COL14A1: variants seen among roughly 807,000 people sequenced by gnomAD.
COL14A1 encodes the protein collagen type XIV alpha 1 chain.
Under a neutral mutation model 230.3 loss-of-function variants are expected in COL14A1, and 136 were observed. The observed-to-expected ratio is 0.59, with a 90% confidence interval of 0.51 to 0.68. COL14A1 has a LOEUF of 0.68. COL14A1 is among the 30% of genes least tolerant of loss of function. COL14A1 has a pLI of 0.00. For missense variants in COL14A1, 1,976 were observed against 2,215.8 expected, an observed-to-expected ratio of 0.89 and a Z score of 2.17; for synonymous variants, 792 against 784.1, an observed-to-expected ratio of 1.01 and a Z score of -0.17.
intron 4 of COL14A1, among the ~76,000 whole-genome samples, chr8:120,163,396 G>A (rs1292829722): frequency 2.0e-5 from 3 of 152,076 alleles, no homozygotes; most frequent in African/African-American, 7.2e-5. Context: ...CTAAGAGGGA[G>A]TGAAAGCTCT....
chr8:120,351,407 T>G (rs995292443), intron 45 of COL14A1, among the ~76,000 whole-genome samples: 2 of 132,534 alleles, frequency 1.5e-5, no homozygotes, highest in African/African-American at 2.9e-5. Flanking sequence ...CTGAAGGAAA[T>G]AGAGACACAA....
intron 14 of COL14A1, among the ~76,000 whole-genome samples, chr8:120,221,684 A>G (rs1817940143): frequency 6.6e-6 from 1 of 152,002 alleles, no homozygotes; most frequent in African/African-American, 2.4e-5. Context: ...CAAAATTCCT[A>G]TTTGTCACAT....
At chr8:120,227,168 T>C (rs1818122439) in intron 16 of COL14A1, 52 bp from the exon 17 acceptor site, 1 of 1,595,636 alleles carries the variant, frequency 6.3e-7, no homozygotes, top group Non-Finnish European at 8.5e-7. Context: ...ACACTTTTTC[T>C]TTACTTTTTT....
intron 1 of COL14A1, among the ~76,000 whole-genome samples, chr8:120,126,726 C>A (rs1814352892): frequency 1.3e-5 from 2 of 152,168 alleles, no homozygotes; most frequent in Non-Finnish European, 2.9e-5. Context: ...CAGTGAAGGA[C>A]CGGTGTTCTG....
chr8:120,183,520 A>G (rs1194457541), intron 5 of COL14A1, among the ~76,000 whole-genome samples: 1 of 152,176 alleles, frequency 6.6e-6, no homozygotes, highest in African/African-American at 2.4e-5. Context: ...TTCTGGGCAT[A>G]TAGAATCCTC....
chr8:120,362,893 A>G (rs1280769684), intron 45 of COL14A1, among the ~76,000 whole-genome samples: 8 of 152,198 alleles, frequency 5.3e-5, no homozygotes, highest in Non-Finnish European at 1.2e-4. Context: ...AACCTTGGCT[A>G]AATCATATTT....
chr8:120,125,051 C>A (rs1317482809), upstream of COL14A1: 1 of 152,460 alleles, frequency 6.6e-6, no homozygotes, highest in Non-Finnish European at 1.5e-5. Flanking sequence ...CCACCTCCCG[C>A]CTCCGCGGCC....
intron 1 of COL14A1, among the ~76,000 whole-genome samples, chr8:120,139,399 T>A (rs1045705002): frequency 6.6e-6 from 1 of 152,186 alleles, no homozygotes; most frequent in African/African-American, 2.4e-5. Flanking sequence ...TATAGAGCTA[T>A]CATCTGGAGA....
chr8:120,139,260 A>ATATCACCATTTCTTT (rs1262745561), intron 1 of COL14A1, among the ~76,000 whole-genome samples: 3 of 152,326 alleles, frequency 2.0e-5, no homozygotes, highest in Non-Finnish European at 2.9e-5. Flanking sequence ...ATATGCTTAA[A>ATATCACCATTTCTTT]TATCACCATT....
At chr8:120,232,138 A>G (rs12679689) in intron 19 of COL14A1, 61,398 of 152,158 alleles carry the variant, frequency 0.4, 12,596 homozygotes, top group Middle Eastern at 0.49. Flanking sequence ...GAGTAGATTT[A>G]TAGTCATTTC....
intron 36 of COL14A1, among the ~76,000 whole-genome samples, chr8:120,306,514 T>C (rs1820863430): frequency 6.6e-6 from 1 of 152,214 alleles, no homozygotes; most frequent in African/African-American, 2.4e-5. Context: ...GATTGAACAT[T>C]CTTTAATTGT....
chr8:120,161,718 A>C (rs1815676395), intron 3 of COL14A1, among the ~76,000 whole-genome samples: 1 of 152,094 alleles, frequency 6.6e-6, no homozygotes, highest in African/African-American at 2.4e-5. Context: ...GCTGGAGTGC[A>C]GTGGCGCAAT....
At chr8:120,247,396 C>G (rs1394775576) in intron 20 of COL14A1, among the ~76,000 whole-genome samples, 1 of 150,324 alleles carries the variant, frequency 6.7e-6, no homozygotes, top group Admixed American at 6.7e-5. Context: ...GCACTCCAGC[C>G]TGGGTGACAG....
chr8:120,184,495 C>T (rs1228725761), intron 5 of COL14A1, among the ~76,000 whole-genome samples: 3 of 151,926 alleles, frequency 2.0e-5, no homozygotes, highest in Non-Finnish European at 4.4e-5. Flanking sequence ...CCTCAAGTGA[C>T]CTGCCCGCCT....
At chr8:120,125,719 G>T (rs1435123106) in intron 1 of COL14A1, among the ~76,000 whole-genome samples, 1 of 152,162 alleles carries the variant, frequency 6.6e-6, no homozygotes, top group Non-Finnish European at 1.5e-5. Flanking sequence ...CTTAACAAAG[G>T]CGGTAATTTG....
At chr8:120,280,244 T>G in intron 29 of COL14A1, 145 bp downstream of exon 29, 1 of 956,062 alleles carries the variant, frequency 1.0e-6, no homozygotes, top group Non-Finnish European at 1.5e-6. Flanking sequence ...GTTTTGTGGC[T>G]TTGAGCATAT....
intron 1 of COL14A1, among the ~76,000 whole-genome samples, chr8:120,132,849 A>G (rs1199508389): frequency 6.6e-6 from 1 of 152,206 alleles, no homozygotes; most frequent in Non-Finnish European, 1.5e-5. Flanking sequence ...AACCTCTCCA[A>G]GAGTACTGAA....
chr8:120,280,693 G>A lies in COL14A1; in HGVS notation c.3647-18G>A, dbSNP rs368020495. ...AATATCCGAATTAGAGTTTTATTTT[G>A]TTTGTTTGGTTTTCCAGCCTGTCCA... On this transcript the variant is annotated intron_variant, in intron 29 of 47. Coordinates refer to ENST00000297848, the MANE Select transcript of COL14A1 (RefSeq NM_021110.4). 35 of 1,611,832 alleles carry A rather than the reference G, an allele frequency of 2.2e-5. No individual in the cohort carries two copies. In the Middle Eastern group the frequency reaches 5.0e-4, roughly 23 times the overall value.
chr8:120,354,960 A>T (rs1822925080), intron 45 of COL14A1, among the ~76,000 whole-genome samples: 1 of 147,404 alleles, frequency 6.8e-6, no homozygotes, highest in South Asian at 2.1e-4. Context: ...ACCTCTCCCC[A>T]TTAAACCCTG....
Sources: allele counts gnomAD v4.1 joint callset (sites outside exome capture counted in the v4.1 genomes callset), GRCh38; gene constraint gnomAD v4.1.1; transcripts MANE v1.5; gene names NCBI Gene and HGNC (gene_info 2026-07-23, HGNC 2026-07-21).